Variants in MARCHF2 observed in about 807,000 individuals in gnomAD.
MARCHF2 encodes E3 ubiquitin-protein ligase MARCHF2.
Under a neutral mutation model 24.0 loss-of-function variants are expected in MARCHF2, and 22 were observed. That is an observed-to-expected ratio of 0.92 (90% CI 0.66 to 1.31). MARCHF2 has a LOEUF of 1.31. Among genes scored for constraint, MARCHF2 ranks in the 50% most tolerant of loss-of-function variants. The pLI, the probability that MARCHF2 is intolerant of heterozygous loss-of-function variation, is 0.00. For missense variants in MARCHF2, 301 were observed against 335.3 expected, an observed-to-expected ratio of 0.90 and a Z score of 0.80; for synonymous variants, 154 against 153.0, an observed-to-expected ratio of 1.01 and a Z score of -0.05.
At chr19:8,425,343 T>G (rs535182957) in intron 2 of MARCHF2, among the ~76,000 whole-genome samples, 1 of 150,630 alleles carries the variant, frequency 6.6e-6, no homozygotes, top group South Asian at 2.1e-4. Context: ...GAGGTTGCAG[T>G]GAGCTGATAT....
chr19:8,422,438 G>C (rs1967272887), intron 2 of MARCHF2, among the ~76,000 whole-genome samples: 1 of 151,884 alleles, frequency 6.6e-6, no homozygotes, highest in Admixed American at 6.6e-5. Context: ...TGTTGCCCAG[G>C]CTGGAGTGCA....
At chr19:8,413,965 A>T (rs1237174790) in intron 1 of MARCHF2, among the ~76,000 whole-genome samples, 1 of 152,178 alleles carries the variant, frequency 6.6e-6, no homozygotes, top group Admixed American at 6.6e-5. Context: ...CCTGTTATAC[A>T]GTTGAGAGAG....
chr19:8,415,721 C>CAAAAAAAAAAAAAAAAAA lies in MARCHF2; in HGVS notation c.-53+2314_-53+2315insAAAAAAAAAAAAAAAAAA, dbSNP rs1309501077. Among the ~76,000 whole-genome samples the CAAAAAAAAAAAAAAAAAA allele has an allele frequency of 1.0e-3, 18 of 17,812 alleles. 1 individual carries two copies. Among genetic ancestry groups the CAAAAAAAAAAAAAAAAAA allele is most frequent in the South Asian group, 2.3e-3 (1 of 434 alleles). The allele number at this position is 17,812 out of a possible 152,430, so 11.7% of individuals were successfully genotyped here. A position where few individuals can be genotyped will look rare whatever the true frequency, so the allele number is the denominator to read the frequency against. ...GGGCAACAAGAGTGAAACTCCATCT[C>CAAAAAAAAAAAAAAAAAA]AAAAAAAAAAAAACAAAAAAAACAA... On this transcript the variant is annotated intron_variant, in intron 1 of 4. Transcript: ENST00000215555.
chr19:8,435,231 G>T (rs962107902), intron 4 of MARCHF2, among the ~76,000 whole-genome samples: 2 of 151,908 alleles, frequency 1.3e-5, no homozygotes, highest in Admixed American at 1.3e-4. Context: ...TGTTGGCCAG[G>T]ATGGTCTCGA....
intron 4 of MARCHF2, among the ~76,000 whole-genome samples, chr19:8,434,197 G>T (rs1967654827): frequency 6.9e-6 from 1 of 145,804 alleles, no homozygotes; most frequent in Admixed American, 7.4e-5. Flanking sequence ...CGATTCTCCT[G>T]TCTCAGCCTC....
chr19:8,435,795 C>A (rs1252708813), intron 4 of MARCHF2, among the ~76,000 whole-genome samples: 2 of 150,962 alleles, frequency 1.3e-5, no homozygotes, highest in African/African-American at 4.9e-5. Context: ...TCCCAGAGTG[C>A]TGGGATTATA....
intron 4 of MARCHF2, among the ~76,000 whole-genome samples, chr19:8,432,827 C>G (rs1202803790): frequency 1.3e-5 from 2 of 151,880 alleles, no homozygotes; most frequent in African/African-American, 4.8e-5. Context: ...GTGCTTCTGC[C>G]TGTAATCCCA....
chr19:8,438,169 G>A (rs1392355662), intron 4 of MARCHF2, among the ~76,000 whole-genome samples: 1 of 152,128 alleles, frequency 6.6e-6, no homozygotes, highest in East Asian at 1.9e-4. Flanking sequence ...TGTGTGGGGT[G>A]TATCTTGTCT....
chr19:8,420,637 A>C (rs1049047748), intron 1 of MARCHF2, among the ~76,000 whole-genome samples: 1 of 150,934 alleles, frequency 6.6e-6, no homozygotes, highest in Non-Finnish European at 1.5e-5. Context: ...GGGTAAGAGG[A>C]GGCCTAGCTT....
chr19:8,432,571 T>A (rs1196437053), intron 4 of MARCHF2, among the ~76,000 whole-genome samples: 1 of 151,916 alleles, frequency 6.6e-6, no homozygotes, highest in Non-Finnish European at 1.5e-5. Flanking sequence ...GGAAAATCCC[T>A]TGAGGCCAGG....
Position 8,421,876 on chromosome 19 carries a change from C to T in MARCHF2, c.36C>T (p.Ser12=), listed in dbSNP as rs776535184. ...TTGDCCHLPG[S]LCDCSGSPAF... ...GTGACTGCTGCCACCTCCCCGGCTC[C>T]CTGTGTGACTGCTCCGGCAGCCCTG... The change falls in exon 2 of 5, where the codon TCC becomes TCT. Residue 12 remains serine, a synonymous_variant. Transcript: ENST00000215555. 1.2e-6 allele frequency: 2 copies of T among 1,613,226 alleles called. No individual in the cohort carries two copies. Among genetic ancestry groups the T allele is most frequent in the Non-Finnish European group, 1.7e-6 (2 of 1,179,650 alleles).
chr19:8,415,312 T>G (rs1017336542), intron 1 of MARCHF2, among the ~76,000 whole-genome samples: 4 of 148,942 alleles, frequency 2.7e-5, no homozygotes, highest in African/African-American at 7.4e-5. Context: ...CACCTGAACC[T>G]GGGGGCGGTG....
chr19:8,421,916 G>A lies in MARCHF2; in HGVS notation c.76G>A (p.Val26Met), dbSNP rs903858661. ...CSGSPAFSKV[V>M]EATGLGPPQY... ...CGGCAGCCCTGCCTTCTCCAAGGTC[G>A]TGGAGGCTACGGGCCTCGGACCGCC... Residue 26 changes from valine to methionine, a missense_variant, in exon 2 of 5, where the codon GTG becomes ATG. Coordinates refer to ENST00000215555, the MANE Select transcript of MARCHF2 (RefSeq NM_001005415.2). 6.2e-7 allele frequency: 1 copy of A among 1,613,884 alleles called. No individual in the cohort carries two copies. Among genetic ancestry groups the A allele is most frequent in the Non-Finnish European group, 8.5e-7 (1 of 1,179,948 alleles).
chr19:8,417,342 G>C (rs941142683), intron 1 of MARCHF2, among the ~76,000 whole-genome samples: 11 of 152,158 alleles, frequency 7.2e-5, no homozygotes, highest in Non-Finnish European at 1.3e-4. Context: ...TACTCGACAG[G>C]CTGAAGCAGG....
chr19:8,431,356 G>A (rs1390127065), intron 4 of MARCHF2, among the ~76,000 whole-genome samples: 1 of 151,622 alleles, frequency 6.6e-6, no homozygotes, highest in Non-Finnish European at 1.5e-5. Flanking sequence ...AATTAACCAG[G>A]TGTGGTGGCA....
chr19:8,426,134 G>C (rs915663712), intron 2 of MARCHF2, among the ~76,000 whole-genome samples: 5 of 151,550 alleles, frequency 3.3e-5, no homozygotes, highest in African/African-American at 1.2e-4. Context: ...GGGAGGCTGA[G>C]GTGGGAGAAT....
chr19:8,438,250 A>G (rs1967783162), intron 4 of MARCHF2, 138 bp from the exon 5 acceptor site: 12 of 841,194 alleles, frequency 1.4e-5, no homozygotes, highest in Non-Finnish European at 2.3e-5. Context: ...ACTTTGTGGG[A>G]GGAATGTTCA....
At chr19:8,435,621 C>G (rs1967694638) in intron 4 of MARCHF2, among the ~76,000 whole-genome samples, 1 of 152,004 alleles carries the variant, frequency 6.6e-6, no homozygotes, top group Non-Finnish European at 1.5e-5. Context: ...TCACTGCAAC[C>G]TCTACCTCCT....
chr19:8,438,298 A>G (rs1967783843), intron 4 of MARCHF2, 90 bp from the exon 5 acceptor site: 2 of 1,340,932 alleles, frequency 1.5e-6, no homozygotes, highest in Non-Finnish European at 2.1e-6. Flanking sequence ...AGCCCCAGCC[A>G]TGGTTTGGGC....
Sources: allele counts gnomAD v4.1 joint callset (sites outside exome capture counted in the v4.1 genomes callset), GRCh38; gene constraint gnomAD v4.1.1; transcripts MANE v1.5; gene names NCBI Gene and HGNC (gene_info 2026-07-23, HGNC 2026-07-21).